The following PHC2 variants were observed in gnomAD, a reference collection of about 807,000 sequenced individuals.
PHC2 encodes polyhomeotic homolog 2.
A neutral mutation model predicts 87.4 loss-of-function variants in PHC2; 29 were observed. The observed-to-expected ratio is 0.33, with a 90% CI of 0.25 to 0.45. PHC2 has a LOEUF of 0.45. PHC2 is among the 20% of genes least tolerant of loss of function. PHC2 has a pLI of 1.00. For missense variants in PHC2, 857 were observed against 1,136.7 expected (o/e 0.75, Z 3.54); for synonymous variants, 438 against 461.7 (o/e 0.95, Z 0.66).
intron 1 of PHC2, among the ~76,000 whole-genome samples, chr1:33,394,043 G>A (rs1037321777): frequency 6.6e-6 from 1 of 152,140 alleles, no homozygotes; most frequent in Non-Finnish European, 1.5e-5. Context: ...GTTGGGGAGG[G>A]CAATGGATAA....
chr1:33,328,747 T>C, intron 14 of PHC2, 123 bp downstream of exon 14: 1 of 886,086 alleles, frequency 1.1e-6, no homozygotes, highest in Non-Finnish European at 1.7e-6. Context: ...CACTCATTTC[T>C]GCACCCCAGT....
At chr1:33,367,499 G>T in intron 6 of PHC2, 71 bp from the exon 7 acceptor site, 3 of 1,190,328 alleles carry the variant, frequency 2.5e-6, no homozygotes, top group South Asian at 1.5e-5. Context: ...CTAAGAGGGA[G>T]AGAGGGATGG....
intron 9 of PHC2, among the ~76,000 whole-genome samples, chr1:33,350,069 G>A (rs767136900): frequency 1.1e-4 from 17 of 151,708 alleles, no homozygotes; most frequent in Non-Finnish European, 1.6e-4. Context: ...GACGCCCGGG[G>A]CTCAGCTTAG....
At chr1:33,329,452 C>T (rs16835363) in intron 13 of PHC2, among the ~76,000 whole-genome samples, 14,733 of 151,790 alleles carry the variant, frequency 0.097, 1,011 homozygotes, top group East Asian at 0.26. Flanking sequence ...TTCTTCTGTA[C>T]GTACACAGCT....
At chr1:33,363,607 G>T in intron 7 of PHC2, 1 of 227,718 alleles carries the variant, frequency 4.4e-6, no homozygotes, top group Non-Finnish European at 7.3e-6. Context: ...CCTGAGGCGG[G>T]CTGAGGATGC....
At chr1:33,354,709 C>T (rs1647036126) in intron 8 of PHC2, 129 bp downstream of exon 8, 1 of 1,323,894 alleles carries the variant, frequency 7.6e-7, no homozygotes, top group African/African-American at 1.5e-5. Context: ...GCCCTCTCTT[C>T]CTTCTTGGAA....
chr1:33,370,221 G>A (rs1647735977), intron 5 of PHC2, among the ~76,000 whole-genome samples, 200 bp downstream of exon 5: 1 of 152,106 alleles, frequency 6.6e-6, no homozygotes, highest in South Asian at 2.1e-4. Flanking sequence ...TTTCAGTCTG[G>A]AGCCCCACCC....
chr1:33,390,108 A>G (rs1267164798), intron 1 of PHC2, among the ~76,000 whole-genome samples: 2 of 152,158 alleles, frequency 1.3e-5, no homozygotes, highest in Non-Finnish European at 2.9e-5. Context: ...GCTGTGAGGA[A>G]GTGAGTTCCT....
At chr1:33,362,642 A>G (rs1239336020) in intron 7 of PHC2, among the ~76,000 whole-genome samples, 2 of 152,202 alleles carry the variant, frequency 1.3e-5, no homozygotes, top group South Asian at 2.1e-4. Context: ...AGGCAAGGGA[A>G]AAGGAAGGAG....
rs371097546 is a variant in PHC2 at position 33,332,247 on chromosome 1, C to T, written c.1891+28G>A. On this transcript the variant is annotated intron_variant, in intron 11 of 14. Coordinates refer to ENST00000683057, the MANE Select transcript of PHC2 (RefSeq NM_001385109.1). This position sits in a 1 kb window ranked among gnomAD's most constrained non-coding sequence, Gnocchi z 4.2. ...TGCCTTTCCAGCCACGCTGGGAGGC[C>T]GAGAGATTCAGGGTCTGAGATGCCC... 5.0e-5 allele frequency: 80 copies of T among 1,613,782 alleles called. No homozygotes were observed. The highest frequency in any genetic ancestry group is 6.3e-5 in the Non-Finnish European group (74 of 1,179,736).
Position 33,332,191 on chromosome 1 carries a change from G to T in PHC2, c.1891+84C>A. On this transcript the variant is annotated intron_variant, in intron 11 of 14. Coordinates refer to ENST00000683057, the MANE Select transcript of PHC2 (RefSeq NM_001385109.1). The surrounding 1 kb of genome is among the most constrained non-coding windows in gnomAD (Gnocchi z 4.2). The stretch of plus-strand genomic sequence containing the variant: ...AGACTCGCTGGCTCAGGGTTCCTCT[G>T]GGGAAACAGAGAGAGGAAGTGTGTG... 1 of 1,516,802 alleles carries T rather than the reference G, an allele frequency of 6.6e-7. No individual in the cohort carries two copies. The highest frequency in any genetic ancestry group is 9.1e-7 in the Non-Finnish European group (1 of 1,096,728). The allele number at this position is 1,516,802 out of a possible 1,614,324, so 94.0% of individuals were successfully genotyped here.
intron 1 of PHC2, among the ~76,000 whole-genome samples, chr1:33,400,906 G>A (rs1316796236): frequency 6.6e-6 from 1 of 152,052 alleles, no homozygotes; most frequent in African/African-American, 2.4e-5. Flanking sequence ...GTATGTCAAC[G>A]CATCATCATC....
intron 1 of PHC2, among the ~76,000 whole-genome samples, chr1:33,385,923 A>G (rs1031238618): frequency 1.2e-4 from 18 of 151,478 alleles, no homozygotes; most frequent in African/African-American, 3.9e-4. Flanking sequence ...CAGCCTCCTG[A>G]GTAGCTGGGA....
intron 9 of PHC2, among the ~76,000 whole-genome samples, chr1:33,339,288 T>C (rs1256978669): frequency 6.6e-6 from 1 of 152,178 alleles, no homozygotes; most frequent in Non-Finnish European, 1.5e-5. Context: ...TGTCTACATA[T>C]AGAATACAGG....
chr1:33,367,769 C>G (rs1647564687), intron 6 of PHC2, among the ~76,000 whole-genome samples: 2 of 152,136 alleles, frequency 1.3e-5, no homozygotes, highest in Admixed American at 1.3e-4. Context: ...ATGCACACCA[C>G]CCAGAAATAA....
At position 33,375,484 on chromosome 1, in the gene PHC2, C is replaced by A. The variant is rs142896193; in HGVS notation, c.56G>T (p.Ser19Ile). 8 of 1,611,654 alleles carry A rather than the reference C, an allele frequency of 5.0e-6. No homozygotes were observed. Among genetic ancestry groups the A allele is most frequent in the Non-Finnish European group, 6.8e-6 (8 of 1,178,930 alleles). Residue 19 changes from serine to isoleucine, a missense_variant, in exon 2 of 15, where the codon AGT becomes ATT. Transcript: ENST00000683057. Reference protein sequence around the residue: ...HTSSSACATSSTSGASSSSGC... With the variant: ...HTSSSACATSITSGASSSSGC... Reference sequence around the variant, plus strand: ...ACTGCTGCTACTGGCCCCGCTGGTACTGCTGGTGGCACAGGCACTGCTAGA... The same window carrying A: ...ACTGCTGCTACTGGCCCCGCTGGTAATGCTGGTGGCACAGGCACTGCTAGA...
At chr1:33,406,367 A>T (rs1396626949) in intron 1 of PHC2, among the ~76,000 whole-genome samples, 1 of 152,138 alleles carries the variant, frequency 6.6e-6, no homozygotes, top group East Asian at 1.9e-4. Flanking sequence ...CTGTTTACTT[A>T]CATCAGGATT....
chr1:33,325,160 C>T, intron 14 of PHC2, 141 bp from the exon 15 acceptor site: 1 of 822,976 alleles, frequency 1.2e-6, no homozygotes, highest in Non-Finnish European at 1.8e-6. Context: ...GAGGAAGGCG[C>T]TGCTGTTCTT....
chr1:33,390,528 C>T (rs551475719), intron 1 of PHC2, among the ~76,000 whole-genome samples: 12 of 152,334 alleles, frequency 7.9e-5, no homozygotes, highest in Admixed American at 2.6e-4. Flanking sequence ...AGCTGCCCAA[C>T]CACCACCATC....
Sources: gnomAD v4.1 joint callset for allele counts (sites outside exome capture counted in the v4.1 genomes callset) on GRCh38, gnomAD v4.1.1 for gene constraint, Gnocchi (gnomAD v3.1) non-coding constraint, MANE v1.5 for transcripts, NCBI Gene and HGNC (gene_info 2026-07-23, HGNC 2026-07-21) for gene names.